Variants in ABCD3 observed in about 807,000 individuals in gnomAD.
ABCD3 encodes ATP binding cassette subfamily D member 3.
A neutral mutation model predicts 105.5 loss-of-function variants in ABCD3; 41 were observed. The observed-to-expected ratio is 0.39, with a 90% CI of 0.30 to 0.50. The LOEUF is 0.50. Ranked by LOEUF, ABCD3 falls within the 20% of genes least tolerant of loss-of-function variation. The probability of loss-of-function intolerance (pLI) is 0.84; values close to 1 mark genes in which losing one functional copy is unlikely to be tolerated. For missense variants in ABCD3, 622 were observed against 806.3 expected (o/e 0.77, Z 2.77); for synonymous variants, 258 against 269.0 (o/e 0.96, Z 0.40).
intron 1 of ABCD3, among the ~76,000 whole-genome samples, chr1:94,420,399 A>G (rs1345281493): frequency 6.6e-6 from 1 of 152,238 alleles, no homozygotes; most frequent in Non-Finnish European, 1.5e-5. Context: ...TGTCTTATTA[A>G]ATAATTTTAG....
chr1:94,418,736 C>A, intron 1 of ABCD3, 148 bp downstream of exon 1: 1 of 774,592 alleles, frequency 1.3e-6, no homozygotes, highest in Non-Finnish European at 2.1e-6. Flanking sequence ...ACTTCAATGT[C>A]AGGGTGTCCG....
chr1:94,491,301 G>A, intron 16 of ABCD3, 54 bp downstream of exon 16: 1 of 1,290,950 alleles, frequency 7.7e-7, no homozygotes, highest in Non-Finnish European at 1.1e-6. Context: ...AATGTGAACT[G>A]AAAAAGATTA....
At chr1:94,419,674 T>TAAAACAC (rs370109926) in intron 1 of ABCD3, among the ~76,000 whole-genome samples, 36 of 152,340 alleles carry the variant, frequency 2.4e-4, no homozygotes, top group African/African-American at 8.7e-4. Flanking sequence ...AAATTTGGGC[T>TAAAACAC]AAAACACAAA....
At chr1:94,494,493 A>G (rs747402847) in intron 16 of ABCD3, among the ~76,000 whole-genome samples, 16 of 152,170 alleles carry the variant, frequency 1.1e-4, no homozygotes, top group Non-Finnish European at 2.2e-4. Context: ...TAGCCTTTCT[A>G]TAATCAACAA....
intron 1 of ABCD3, chr1:94,419,222 C>T: frequency 2.1e-6 from 2 of 933,416 alleles, no homozygotes; most frequent in African/African-American, 3.6e-5. Flanking sequence ...AACATTTGGT[C>T]GGTGGCATTT....
intron 20 of ABCD3, among the ~76,000 whole-genome samples, chr1:94,506,327 A>G (rs1206120186): frequency 6.6e-6 from 1 of 152,184 alleles, no homozygotes; most frequent in African/African-American, 2.4e-5. Context: ...AGTATTTCCC[A>G]TGAAGTACGT....
chr1:94,445,187 G>A (rs1264548974), intron 1 of ABCD3, among the ~76,000 whole-genome samples: 2 of 152,182 alleles, frequency 1.3e-5, no homozygotes, highest in South Asian at 2.1e-4. Flanking sequence ...CAGCTCTGAA[G>A]GCTGTGAGAC....
intron 1 of ABCD3, among the ~76,000 whole-genome samples, chr1:94,446,927 G>A (rs1274507102): frequency 6.6e-6 from 1 of 152,192 alleles, no homozygotes; most frequent in African/African-American, 2.4e-5. Flanking sequence ...GGGAGCAAAA[G>A]TTCTAATTCC....
intron 1 of ABCD3, among the ~76,000 whole-genome samples, chr1:94,452,459 G>A (rs192272247): frequency 6.6e-6 from 1 of 152,210 alleles, no homozygotes; most frequent in African/African-American, 2.4e-5. Flanking sequence ...CACAGAGTGT[G>A]CCTCGTGGCA....
chr1:94,499,509 C>T lies in ABCD3; in HGVS notation c.1635C>T (p.Tyr545=). The T allele has an allele frequency of 1.2e-6, 2 of 1,613,474 alleles. No individual in the cohort carries two copies. The highest frequency in any genetic ancestry group is 2.7e-5 in the African/African-American group (2 of 75,002). ...KGISDLVLKE[Y]LDNVQLGHIL... is the part of the protein sequence containing the mutation. ...TTTGCTGAAAGGTACTGAAGGAATA[C>T]TTAGACAATGTCCAGTTGGGTCATA... Residue 545 remains tyrosine (Y), a synonymous_variant, in exon 20 of 23, where the codon TAC becomes TAT. Transcript: ENST00000370214.
intron 1 of ABCD3, among the ~76,000 whole-genome samples, chr1:94,436,456 A>G (rs1352223055): frequency 6.6e-6 from 1 of 152,218 alleles, no homozygotes; most frequent in Admixed American, 6.5e-5. Context: ...TTTTTCACAT[A>G]GGCTCTTTCC....
At chr1:94,475,535 G>C (rs1453964038) in intron 6 of ABCD3, 79 bp from the exon 7 acceptor site, 25 of 1,424,820 alleles carry the variant, frequency 1.8e-5, no homozygotes, top group Non-Finnish European at 2.4e-5. Context: ...TGAGCTAGGT[G>C]GTGTAATATG....
intron 1 of ABCD3, among the ~76,000 whole-genome samples, chr1:94,441,257 T>C (rs1660123829): frequency 6.6e-6 from 1 of 152,174 alleles, no homozygotes; most frequent in Admixed American, 6.5e-5. Context: ...CTTAAACATG[T>C]GATTAACCTC....
At chr1:94,463,530 T>C (rs1422183037) in intron 2 of ABCD3, among the ~76,000 whole-genome samples, 1 of 152,152 alleles carries the variant, frequency 6.6e-6, no homozygotes, top group African/African-American at 2.4e-5. Context: ...TATTTGTTTG[T>C]CAGGAGCACA....
intron 22 of ABCD3, among the ~76,000 whole-genome samples, chr1:94,516,368 C>G (rs1444738527): frequency 6.6e-6 from 1 of 151,836 alleles, no homozygotes; most frequent in Non-Finnish European, 1.5e-5. Flanking sequence ...TATAACTTGT[C>G]AATTTTTCAT....
chr1:94,496,393 A>G (rs1649801202), intron 16 of ABCD3, among the ~76,000 whole-genome samples: 1 of 152,018 alleles, frequency 6.6e-6, no homozygotes, highest in East Asian at 1.9e-4. Flanking sequence ...TTCAAGGTTC[A>G]TCTGTATTGT....
chr1:94,442,813 G>A (rs1478254354), intron 1 of ABCD3, among the ~76,000 whole-genome samples: 1 of 152,098 alleles, frequency 6.6e-6, no homozygotes, highest in South Asian at 2.1e-4. Flanking sequence ...CTTTTTTATG[G>A]CTGAGTAGTA....
At chr1:94,466,247 T>C (rs961286021) in intron 3 of ABCD3, among the ~76,000 whole-genome samples, 2 of 152,184 alleles carry the variant, frequency 1.3e-5, no homozygotes, top group Non-Finnish European at 2.9e-5. Context: ...TCACACACTT[T>C]TAAGATCTGC....
chr1:94,402,430 C>G, the ABCD3 span, among the ~76,000 whole-genome samples: 2 of 152,078 alleles, frequency 1.3e-5, no homozygotes, highest in African/African-American at 4.8e-5. Context: ...TGTGTGTGCT[C>G]TTTATGTATG....
Sources: allele counts gnomAD v4.1 joint callset (sites outside exome capture counted in the v4.1 genomes callset), GRCh38; gene constraint gnomAD v4.1.1; transcripts MANE v1.5; gene names NCBI Gene and HGNC (gene_info 2026-07-23, HGNC 2026-07-21).